Variants in SP100 observed in about 807,000 individuals in gnomAD.
The protein encoded by SP100 is nuclear autoantigen Sp-100.
In SP100, 84 loss-of-function variants were observed where a neutral mutation model predicts 130.0. The ratio of observed to expected loss-of-function variants is 0.65; its 90% confidence interval spans 0.54 to 0.77. SP100 has a LOEUF of 0.77. Among genes scored for constraint, SP100 ranks in the 30% least tolerant of loss-of-function variants. SP100 has a pLI of 0.00. For synonymous variants in SP100, 331 were observed against 351.7 expected (o/e 0.94, Z 0.66); for missense variants, 978 against 1,052.2 (o/e 0.93, Z 0.97).
chr2:230,506,083 C>T (rs1015489701), intron 21 of SP100, among the ~76,000 whole-genome samples: 8 of 152,030 alleles, frequency 5.3e-5, no homozygotes, highest in Non-Finnish European at 1.0e-4. Flanking sequence ...TATTTCTTCT[C>T]ATTGCATGAT....
intron 24 of SP100, chr2:230,515,779 T>C (rs1690884510): frequency 8.1e-6 from 12 of 1,488,394 alleles, no homozygotes; most frequent in Admixed American, 7.2e-5. Context: ...TTTTTTTGTA[T>C]AGTTAACCAC....
intron 24 of SP100, among the ~76,000 whole-genome samples, chr2:230,518,488 A>T (rs1427456940): frequency 6.6e-6 from 1 of 151,824 alleles, no homozygotes; most frequent in Non-Finnish European, 1.5e-5. Context: ...ACTCTTTTAT[A>T]ATTTTTAGAA....
intron 24 of SP100, among the ~76,000 whole-genome samples, chr2:230,517,198 A>G (rs1448196751): frequency 6.6e-6 from 1 of 152,246 alleles, no homozygotes; most frequent in Non-Finnish European, 1.5e-5. Context: ...ACTGGAAAAT[A>G]GCAAAGTAAA....
At position 230,543,041 on chromosome 2, in the gene SP100, C is replaced by T. The variant is rs541374396; in HGVS notation, c.*95C>T. On this transcript the variant is annotated 3_prime_UTR_variant, in exon 29 of 29. Transcript: ENST00000340126. ...TGTGACTGCTCCTGTGGAAACTCCA[C>T]ATCACAATTCTCCAAAATTTATCAT... 2.1e-5 allele frequency: 13 copies of T among 622,868 alleles called. No individual in the cohort carries two copies. In the African/African-American group the frequency reaches 2.3e-4, roughly 11 times the overall value. The allele number at this position is 622,868 out of a possible 1,614,324, so 38.6% of individuals were successfully genotyped here. A position where few individuals can be genotyped will look rare whatever the true frequency, so the allele number is the denominator to read the frequency against.
intron 8 of SP100, among the ~76,000 whole-genome samples, chr2:230,455,030 T>C (rs2149942299): frequency 6.6e-6 from 1 of 152,298 alleles, no homozygotes. Context: ...CATTACATAA[T>C]GACCTTCTTA....
intron 17 of SP100, among the ~76,000 whole-genome samples, chr2:230,477,438 A>G (rs1417735321): frequency 6.6e-6 from 1 of 151,988 alleles, no homozygotes; most frequent in African/African-American, 2.4e-5. Context: ...ATATTGTTTT[A>G]TATTTGATTC....
chr2:230,431,787 T>C (rs914331202), intron 2 of SP100, among the ~76,000 whole-genome samples: 2 of 152,206 alleles, frequency 1.3e-5, no homozygotes, highest in African/African-American at 4.8e-5. Context: ...TTTCCATATC[T>C]TTCCCTGCCT....
chr2:230,474,025 T>C (rs2065410965), intron 16 of SP100, among the ~76,000 whole-genome samples: 1 of 152,206 alleles, frequency 6.6e-6, no homozygotes, highest in African/African-American at 2.4e-5. Context: ...ATGCTAAAAA[T>C]ACATTGTTTT....
intron 24 of SP100, among the ~76,000 whole-genome samples, chr2:230,516,821 T>G (rs1356548398): frequency 6.6e-6 from 1 of 152,178 alleles, no homozygotes; most frequent in African/African-American, 2.4e-5. Flanking sequence ...GACAAGGAAA[T>G]TTAGATATTT....
intron 2 of SP100, among the ~76,000 whole-genome samples, chr2:230,422,021 G>A (rs924307179): frequency 1.3e-5 from 2 of 151,558 alleles, no homozygotes; most frequent in African/African-American, 4.9e-5. Flanking sequence ...GAGACTCCCT[G>A]GTTTTTTTTC....
chr2:230,526,298 C>G (rs950317071), intron 24 of SP100, among the ~76,000 whole-genome samples: 1 of 152,152 alleles, frequency 6.6e-6, no homozygotes, highest in African/African-American at 2.4e-5. Flanking sequence ...CCAGCAAACT[C>G]CAACAGACCT....
chr2:230,469,263 A>C (rs1035783748), intron 14 of SP100, among the ~76,000 whole-genome samples, 167 bp downstream of exon 14: 1 of 152,222 alleles, frequency 6.6e-6, no homozygotes, highest in African/African-American at 2.4e-5. Context: ...TATAAAACAT[A>C]AGCCTCAAAA....
intron 24 of SP100, among the ~76,000 whole-genome samples, chr2:230,521,679 T>G (rs952777444): frequency 1.3e-5 from 2 of 152,096 alleles, no homozygotes; most frequent in African/African-American, 4.8e-5. Context: ...CAACAACAGA[T>G]TTTGGTTTCC....
chr2:230,481,411 TAGA>T (rs1174016446), intron 17 of SP100, among the ~76,000 whole-genome samples: 4 of 152,170 alleles, frequency 2.6e-5, no homozygotes, highest in African/African-American at 9.7e-5. Context: ...GCCAAAAATG[TAGA>T]AGGTGTGCTT....
chr2:230,535,906 C>CAAAAAAAAAA lies in SP100; in HGVS notation c.2095-3341_2095-3332dup, dbSNP rs34684038. ...TGGGTGACAGAGCAAGACTCCATCT[C>CAAAAAAAAAA]AAAAAAAAAAAAAAAAAAAAAAAAA... is the stretch of plus-strand genomic sequence containing the variant. On this transcript the variant is annotated intron_variant, in intron 24 of 28. Transcript: ENST00000340126. Among the ~76,000 whole-genome samples, 28 of 47,596 alleles carry CAAAAAAAAAA rather than the reference C, an allele frequency of 5.9e-4. 1 individual carries two copies. The highest frequency in any genetic ancestry group is 3.0e-3 in the African/African-American group (27 of 8,970). The allele number at this position is 47,596 out of a possible 152,430, so 31.2% of individuals were successfully genotyped here. A position where few individuals can be genotyped will look rare whatever the true frequency, so the allele number is the denominator to read the frequency against.
intron 21 of SP100, among the ~76,000 whole-genome samples, chr2:230,506,092 AT>A (rs1164842716): frequency 3.3e-5 from 5 of 152,124 alleles, no homozygotes; most frequent in Non-Finnish European, 7.3e-5. Context: ...TCATTGCATG[AT>A]GGTCAAAGAA....
intron 24 of SP100, among the ~76,000 whole-genome samples, chr2:230,535,525 C>T (rs984158077): frequency 5.9e-5 from 9 of 151,636 alleles, no homozygotes; most frequent in Non-Finnish European, 5.9e-5. Context: ...AGGCATATTT[C>T]TCTCTCTCTC....
chr2:230,439,785 T>A (rs2063411071), intron 2 of SP100, among the ~76,000 whole-genome samples: 1 of 152,078 alleles, frequency 6.6e-6, no homozygotes, highest in South Asian at 2.1e-4. Flanking sequence ...CAAGTTTGAC[T>A]TCCTCTTTAC....
chr2:230,450,026 C>T (rs1246861695), intron 7 of SP100, 146 bp from the exon 8 acceptor site: 11 of 633,736 alleles, frequency 1.7e-5, no homozygotes, highest in Non-Finnish European at 2.5e-5. Context: ...CAATGAAGCA[C>T]GAACACCTTC....
Sources: allele counts gnomAD v4.1 joint callset (sites outside exome capture counted in the v4.1 genomes callset), GRCh38; gene constraint gnomAD v4.1.1; transcripts MANE v1.5; gene names NCBI Gene and HGNC (gene_info 2026-07-23, HGNC 2026-07-21).